Variants in RPS6KC1 observed in about 807,000 individuals in gnomAD.
RPS6KC1 encodes the protein inactive ribosomal protein S6 kinase delta-1.
RPS6KC1 carries 54 observed loss-of-function variants against 103.8 expected under a neutral mutation model. The observed-to-expected ratio is 0.52, with a 90% confidence interval of 0.42 to 0.65. RPS6KC1 has a LOEUF of 0.65. RPS6KC1 is among the 30% of genes least tolerant of loss of function. The pLI is 0.00. For synonymous variants in RPS6KC1, 439 were observed against 438.7 expected, an observed-to-expected ratio of 1.00 and a Z score of -0.01; for missense variants, 1,151 against 1,253.8, an observed-to-expected ratio of 0.92 and a Z score of 1.24.
At chr1:213,109,858 AGGGTG>A (rs1490718939) in intron 4 of RPS6KC1, among the ~76,000 whole-genome samples, 2 of 150,816 alleles carry the variant, frequency 1.3e-5, no homozygotes, top group African/African-American at 4.9e-5. Flanking sequence ...GGAGATTTAG[AGGGTG>A]TGTATGTATG....
chr1:213,819,818 T>C, the RPS6KC1 span: 2 of 152,132 alleles, frequency 1.3e-5, no homozygotes, highest in Non-Finnish European at 2.9e-5. Context: ...CTTGAGACCT[T>C]ATCATTTGGA....
At chr1:213,290,383 A>T in the RPS6KC1 span, among the ~76,000 whole-genome samples, 1 of 152,098 alleles carries the variant, frequency 6.6e-6, no homozygotes, top group African/African-American at 2.4e-5. Context: ...GTACAAATGG[A>T]TAGGTAAGAC....
chr1:213,282,343 CT>C, the RPS6KC1 span, among the ~76,000 whole-genome samples: 1 of 152,216 alleles, frequency 6.6e-6, no homozygotes, highest in East Asian at 1.9e-4. Flanking sequence ...GAGACGGCTC[CT>C]TGTGTAACCT....
chr1:213,241,133 C>T lies in RPS6KC1; in HGVS notation c.1657C>T (p.His553Tyr). 1.2e-6 allele frequency: 2 copies of T among 1,613,836 alleles called. No individual in the cohort carries two copies. The highest frequency in any genetic ancestry group is 1.7e-6 in the Non-Finnish European group (2 of 1,179,926). ...DTKAIKSFPAHLAADSDSPST... is the reference protein window; with the variant it reads ...DTKAIKSFPAYLAADSDSPST... ...AAAAGCTATTAAAAGCTTCCCAGCA[C>T]ACCTTGCTGCTGACAGTGACAGCCC... is the stretch of plus-strand genomic sequence containing the variant. Residue 553 changes from histidine (H) to tyrosine (Y), a missense_variant, in exon 11 of 15, where the codon CAC (histidine) becomes TAC (tyrosine). Around this residue, in one of 3 missense-constraint regions of RPS6KC1, gnomAD observed 959 missense variants for 1,006.3 expected, o/e 0.95. Transcript: ENST00000366960.
chr1:213,662,574 G>A, the RPS6KC1 span, among the ~76,000 whole-genome samples: 2 of 151,894 alleles, frequency 1.3e-5, no homozygotes, highest in East Asian at 1.9e-4. Context: ...CACTGCACCC[G>A]GCCCAGAGTT....
chr1:213,854,113 C>T, the RPS6KC1 span, among the ~76,000 whole-genome samples: 1 of 152,164 alleles, frequency 6.6e-6, no homozygotes, highest in African/African-American at 2.4e-5. Flanking sequence ...GATGTAGTCC[C>T]TGTTAGTCTC....
the RPS6KC1 span, among the ~76,000 whole-genome samples, chr1:213,631,101 C>T: frequency 1.3e-5 from 2 of 152,088 alleles, no homozygotes; most frequent in African/African-American, 4.8e-5. Context: ...TTTCCAGGTG[C>T]CATCTGTCAC....
chr1:213,051,341 C>T lies in RPS6KC1; in HGVS notation c.-64C>T. 5 of 1,311,134 alleles carry T rather than the reference C, an allele frequency of 3.8e-6. No homozygotes were observed. Among genetic ancestry groups the T allele is most frequent in the Non-Finnish European group, 3.3e-6 (3 of 915,156 alleles). The allele number at this position is 1,311,134 out of a possible 1,614,324, so 81.2% of individuals were successfully genotyped here. A position where few individuals can be genotyped will look rare whatever the true frequency, so the allele number is the denominator to read the frequency against. On this transcript the variant is annotated 5_prime_UTR_variant, in exon 1 of 15. Coordinates refer to ENST00000366960, the MANE Select transcript of RPS6KC1 (RefSeq NM_012424.6). The stretch of plus-strand genomic sequence containing the variant: ...CCGCTGCGTTGGGGAACCTGGACCG[C>T]GGCGGCGCCGGGTTTCCCTCATGAT...
the RPS6KC1 span, among the ~76,000 whole-genome samples, chr1:213,753,705 C>A: frequency 2.0e-5 from 3 of 152,188 alleles, no homozygotes; most frequent in East Asian, 5.8e-4. Flanking sequence ...TTTCCTGGGG[C>A]CTCTGGTAGC....
At chr1:213,754,863 T>C in the RPS6KC1 span, among the ~76,000 whole-genome samples, 1 of 152,200 alleles carries the variant, frequency 6.6e-6, no homozygotes, top group African/African-American at 2.4e-5. Flanking sequence ...TCCATAACAG[T>C]AGCTTAGAAA....
chr1:213,773,920 G>A, the RPS6KC1 span, among the ~76,000 whole-genome samples: 1 of 152,208 alleles, frequency 6.6e-6, no homozygotes, highest in Non-Finnish European at 1.5e-5. Context: ...TGGACACAAA[G>A]AAACTAACCA....
At chr1:213,652,973 A>G in the RPS6KC1 span, among the ~76,000 whole-genome samples, 3 of 152,250 alleles carry the variant, frequency 2.0e-5, no homozygotes, top group Non-Finnish European at 4.4e-5. Context: ...TTCATACTGT[A>G]TCCCTAGCGC....
chr1:213,169,977 T>C (rs991560574), intron 7 of RPS6KC1, among the ~76,000 whole-genome samples: 13 of 152,134 alleles, frequency 8.5e-5, no homozygotes, highest in Admixed American at 2.0e-4. Flanking sequence ...AGATGGGGTT[T>C]CGCCATGTTG....
At chr1:213,339,139 C>G in the RPS6KC1 span, among the ~76,000 whole-genome samples, 1 of 152,148 alleles carries the variant, frequency 6.6e-6, no homozygotes, top group African/African-American at 2.4e-5. Context: ...TGGCGCATGC[C>G]TGTAATCCTA....
intron 6 of RPS6KC1, among the ~76,000 whole-genome samples, chr1:213,147,853 T>A (rs1412507527): frequency 6.6e-6 from 1 of 152,226 alleles, no homozygotes; most frequent in East Asian, 1.9e-4. Flanking sequence ...CATATTTTGA[T>A]GTCCTCTTCA....
the RPS6KC1 span, among the ~76,000 whole-genome samples, chr1:213,809,755 C>A: frequency 6.6e-6 from 1 of 152,104 alleles, no homozygotes; most frequent in Non-Finnish European, 1.5e-5. Context: ...GGCAGTGATC[C>A]ATACATCAGA....
chr1:213,342,009 A>G, the RPS6KC1 span, among the ~76,000 whole-genome samples: 3 of 152,162 alleles, frequency 2.0e-5, no homozygotes, highest in Non-Finnish European at 4.4e-5. Context: ...GTGTCAGTGC[A>G]TGTTCATTTC....
At chr1:213,568,454 T>A in the RPS6KC1 span, among the ~76,000 whole-genome samples, 1 of 152,180 alleles carries the variant, frequency 6.6e-6, no homozygotes, top group Non-Finnish European at 1.5e-5. Flanking sequence ...TTCAAGGACA[T>A]ATGGAATAAA....
chr1:213,504,781 C>A, the RPS6KC1 span, among the ~76,000 whole-genome samples: 4 of 151,822 alleles, frequency 2.6e-5, no homozygotes, highest in Non-Finnish European at 5.9e-5. Context: ...TGTTTTTTTC[C>A]CCTCTCTCTG....
Sources: allele counts gnomAD v4.1 joint callset (sites outside exome capture counted in the v4.1 genomes callset), GRCh38; gene constraint gnomAD v4.1.1; regional missense constraint gnomAD v4.1.1; transcripts MANE v1.5; gene names NCBI Gene and HGNC (gene_info 2026-07-23, HGNC 2026-07-21).